The following NLGN2 variants were observed in gnomAD, a reference collection of about 807,000 sequenced individuals.
The protein encoded by NLGN2 is neuroligin-2.
Under a neutral mutation model 48.6 loss-of-function variants are expected in NLGN2, and 11 were observed. The observed-to-expected ratio is 0.23, with a 90% CI of 0.14 to 0.37. The LOEUF (loss-of-function observed/expected upper bound fraction) is 0.37, where lower values mean the gene tolerates loss of function less well. NLGN2 is among the 10% of genes least tolerant of loss of function. The pLI, the probability that NLGN2 is intolerant of heterozygous loss-of-function variation, is 1.00. For missense variants in NLGN2, 801 were observed against 1,225.2 expected (o/e 0.65, Z 5.17); for synonymous variants, 548 against 550.0 (o/e 1.00, Z 0.05).
At position 7,408,536 on chromosome 17, in the gene NLGN2, C is replaced by T. The variant is rs1906752812; in HGVS notation, c.281C>T (p.Pro94Leu). 5.8e-6 allele frequency: 9 copies of T among 1,540,376 alleles called. No homozygotes were observed. The highest frequency in any genetic ancestry group is 7.9e-6 in the Non-Finnish European group (9 of 1,145,982). The change falls in exon 1 of 7, where the codon CCC (proline) becomes CTC (leucine). Residue 94 changes from proline (P) to leucine (L), a missense_variant. Physicochemically the swap from Pro to Leu is moderately conservative, Grantham distance 98. Around this residue, in one of 5 missense-constraint regions of NLGN2, gnomAD observed 164 missense variants for 186.2 expected, o/e 0.88. Transcript: ENST00000302926. This position sits in a 1 kb window ranked among gnomAD's most constrained non-coding sequence, Gnocchi z 7.5. ...CCGCCTGAGGCGCCCGCCTCGTGGCCCGGCGTGCGCAACGCCACCACCCTG... is the reference window on the plus strand; with the variant it reads ...CCGCCTGAGGCGCCCGCCTCGTGGCTCGGCGTGCGCAACGCCACCACCCTG... ...FQPPEAPASW[P>L]GVRNATTLPP...
intron 6 of NLGN2, 34 bp downstream of exon 6, chr17:7,416,141 G>C (rs1254143228): frequency 7.0e-7 from 1 of 1,426,134 alleles, no homozygotes; most frequent in South Asian, 1.1e-5. Context: ...GGGCTGGGCG[G>C]GGCCCTCCCT....
At chr17:7,410,014 C>T (rs532089825) in intron 1 of NLGN2, among the ~76,000 whole-genome samples, 3 of 152,204 alleles carry the variant, frequency 2.0e-5, no homozygotes, top group Admixed American at 6.5e-5. Context: ...CAGCAGGCCC[C>T]TCACATCACA....
In NLGN2 at chr17:7,417,398, C is replaced by T. The variant is rs746591440; in HGVS notation, c.2107C>T (p.Arg703Trp). Reference protein sequence around the residue: ...AFAALYYKRDRRQELRCRRLS... With the variant: ...AFAALYYKRDWRQELRCRRLS... ...TGCTGCCCTCTACTACAAGCGGGAC[C>T]GGCGGCAGGAGCTGCGGTGCAGGCG... is the stretch of plus-strand genomic sequence containing the variant. The change falls in exon 7 of 7, where the codon CGG (arginine) becomes TGG (tryptophan). Residue 703 changes from arginine to tryptophan, a missense_variant. Arg to Trp is a moderately radical substitution (Grantham distance 101). Transcript: ENST00000302926. The T allele has an allele frequency of 1.2e-5, 19 of 1,609,998 alleles. No homozygotes were observed. Among genetic ancestry groups the T allele is most frequent in the Non-Finnish European group, 1.5e-5 (18 of 1,178,734 alleles).
At chr17:7,407,204 G>A (rs1906680843), upstream of NLGN2, among the ~76,000 whole-genome samples, 1 of 152,164 alleles carries the variant, frequency 6.6e-6, no homozygotes, top group African/African-American at 2.4e-5. Context: ...CCCCTCCAGG[G>A]TTAAAGCTGC....
intron 2 of NLGN2, 28 bp from the exon 3 acceptor site, chr17:7,414,309 CCCCCTGG>C (rs1567661383): frequency 6.8e-7 from 1 of 1,474,216 alleles, no homozygotes; most frequent in Admixed American, 2.1e-5. Flanking sequence ...TTGTCCCTGA[CCCCCTGG>C]CCCACCTGCC....
chr17:7,415,486 T>G, intron 5 of NLGN2, 25 bp from the exon 6 acceptor site: 43 of 1,598,978 alleles, frequency 2.7e-5, no homozygotes, highest in Middle Eastern at 1.7e-4. Flanking sequence ...GAGCAGGTGG[T>G]GAGACCCTGA....
chr17:7,415,033 A>C lies in NLGN2; in HGVS notation c.922A>C (p.Thr308Pro). 6.2e-7 allele frequency: 1 copy of C among 1,613,270 alleles called. No individual in the cohort carries two copies. The highest frequency in any genetic ancestry group is 8.5e-7 in the Non-Finnish European group (1 of 1,179,972). ...TGTCAACTACCAGCCGCTCAAGTAC[A>C]CGCGGCTGCTGGCAGCCAAGGTGGG... ...WSVNYQPLKYTRLLAAKVGCD... is the reference protein window; with the variant it reads ...WSVNYQPLKYPRLLAAKVGCD... The change falls in exon 5 of 7, where the codon ACG becomes CCG. Residue 308 changes from threonine to proline, a missense_variant. Physicochemically the swap from Thr to Pro is conservative, Grantham distance 38 (BLOSUM62 -1). Transcript: ENST00000302926.
Position 7,413,102 on chromosome 17 carries a change from G to GGAAGGAGAT in NLGN2, c.508+895_508+896insGAAGGAGAT, listed in dbSNP as rs1906965540. Among the ~76,000 whole-genome samples the GGAAGGAGAT allele has an allele frequency of 6.6e-6, 1 of 152,192 alleles. No homozygotes were observed. The highest frequency in any genetic ancestry group is 1.5e-5 in the Non-Finnish European group (1 of 68,022). On this transcript the variant is annotated intron_variant, in intron 2 of 6. Transcript: ENST00000302926. The surrounding 1 kb of genome is among the most constrained non-coding windows in gnomAD (Gnocchi z 4.9). ...GATTCCGGCCTGAAAGTGCTGGGAG[G>GGAAGGAGAT]TCACTTGAGGTTCAGGAGCAAAGGA...
In NLGN2 at chr17:7,408,265, C is replaced by A; in HGVS notation, c.10C>A (p.Leu4Met). 1 of 1,310,574 alleles carries A rather than the reference C, an allele frequency of 7.6e-7. No individual in the cohort carries two copies. The highest frequency in any genetic ancestry group is 9.7e-7 in the Non-Finnish European group (1 of 1,033,622). The allele number at this position is 1,310,574 out of a possible 1,614,324, so 81.2% of individuals were successfully genotyped here. A position where few individuals can be genotyped will look rare whatever the true frequency, so the allele number is the denominator to read the frequency against. The change falls in exon 1 of 7, where the codon CTG becomes ATG. Residue 4 changes from leucine (L) to methionine (M), a missense_variant. Physicochemically the swap from Leu to Met is conservative, Grantham distance 15 (BLOSUM62 2). This residue lies in a region of NLGN2 where 164 missense variants were observed against 186.2 expected (regional missense o/e 0.88). Transcript: ENST00000302926. This position sits in a 1 kb window ranked among gnomAD's most constrained non-coding sequence, Gnocchi z 7.5. MWL[L>M]ALCLVGLAGA... Reference sequence around the variant, plus strand: ...GGGTCCCCCGATCAGCATGTGGCTCCTGGCGCTGTGTCTGGTGGGGCTGGC... The same window carrying A: ...GGGTCCCCCGATCAGCATGTGGCTCATGGCGCTGTGTCTGGTGGGGCTGGC...
chr17:7,418,032 A>G lies in NLGN2; in HGVS notation c.*233A>G, dbSNP rs1333832529. On this transcript the variant is annotated 3_prime_UTR_variant, in exon 7 of 7. Transcript: ENST00000302926. ...AACTGGGGGGCGTTTTCTCCCCCCC[A>G]TTGGGACACCAGTCTTCGGTGTGTG... 1 of 339,242 alleles carries G rather than the reference A, an allele frequency of 2.9e-6. No homozygotes were observed. The highest frequency in any genetic ancestry group is 4.5e-5 in the East Asian group (1 of 22,424). The allele number at this position is 339,242 out of a possible 1,614,324, so 21.0% of individuals were successfully genotyped here. A position where few individuals can be genotyped will look rare whatever the true frequency, so the allele number is the denominator to read the frequency against.
chr17:7,417,678 G>A lies in NLGN2; in HGVS notation c.2387G>A (p.Gly796Glu). ...GALTLLPSGL[G>E]PPPPPPPPSL... ...CTGACCCTGCTGCCCAGTGGCCTGG[G>A]GCCACCGCCACCCCCACCGCCCCCC... Residue 796 changes from glycine to glutamate, a missense_variant, in exon 7 of 7, where the codon GGG (glycine) becomes GAG (glutamate). Gly to Glu is a moderately conservative substitution (Grantham distance 98). This residue lies in a region of NLGN2 where 276 missense variants were observed against 313.9 expected (regional missense o/e 0.88). Transcript: ENST00000302926. 7.3e-7 allele frequency: 1 copy of A among 1,373,676 alleles called. No homozygotes were observed. The allele number at this position is 1,373,676 out of a possible 1,614,324, so 85.1% of individuals were successfully genotyped here. A position where few individuals can be genotyped will look rare whatever the true frequency, so the allele number is the denominator to read the frequency against.
rs151229679 is a variant in NLGN2 at position 7,416,847 on chromosome 17, G to A, written c.1635-79G>A. The A allele has an allele frequency of 6.6e-4, 1,022 of 1,539,124 alleles. 4 individuals are homozygous for A. In the African/African-American group the frequency reaches 0.013, roughly 19 times the overall value. ...CCCCTGTCTCTCTGCATCTCTGTCT[G>A]TCTCCCTGCCCACTGCCATCCACCC... On this transcript the variant is annotated intron_variant, in intron 6 of 6. Coordinates refer to ENST00000302926, the MANE Select transcript of NLGN2 (RefSeq NM_020795.4).
At chr17:7,407,197 C>A (rs567823347), upstream of NLGN2, among the ~76,000 whole-genome samples, 21 of 152,334 alleles carry the variant, frequency 1.4e-4, no homozygotes, top group African/African-American at 4.8e-4. Flanking sequence ...CAGAACCCCC[C>A]TCCAGGGTTA....
At chr17:7,414,205 C>T (rs1567661300) in intron 2 of NLGN2, 139 bp from the exon 3 acceptor site, 1 of 738,154 alleles carries the variant, frequency 1.4e-6, no homozygotes, top group South Asian at 1.7e-5. Flanking sequence ...CGGTCTTGCC[C>T]CCCAGGGATG....
chr17:7,409,056 ATCCATCC>A (rs1597707462), intron 1 of NLGN2, among the ~76,000 whole-genome samples: 1 of 152,022 alleles, frequency 6.6e-6, no homozygotes, highest in East Asian at 1.9e-4. Context: ...GAATCAGGTG[ATCCATCC>A]TCTGCTCAGA....
chr17:7,416,915 T>G lies in NLGN2; in HGVS notation c.1635-11T>G. On this transcript the variant is annotated splice_polypyrimidine_tract_variant and intron_variant, in intron 6 of 6. Transcript: ENST00000302926. ...CTCACTCCTCCTTTCCCTGCCCTCC[T>G]GTGCCCACAGGGACCCCAACCAGCC... 6.2e-7 allele frequency: 1 copy of G among 1,613,342 alleles called. No individual in the cohort carries two copies. The highest frequency in any genetic ancestry group is 1.1e-5 in the South Asian group (1 of 90,964).
At chr17:7,404,771 C>T (rs890143107), upstream of NLGN2, 29 of 152,258 alleles carry the variant, frequency 1.9e-4, no homozygotes, top group African/African-American at 7.0e-4. Flanking sequence ...TCCAATCCCC[C>T]CATTCTCCGG....
rs981758809 is a variant in NLGN2 at position 7,419,804 on chromosome 17, A to G, written c.*2005A>G. 3.3e-5 allele frequency: 5 copies of G among 152,338 alleles called. No homozygotes were observed. Among genetic ancestry groups the G allele is most frequent in the African/African-American group, 9.7e-5 (4 of 41,436 alleles). 9.4% of individuals were successfully genotyped at this position (152,338 alleles called of 1,614,324 possible). ...CCCAACCCTTTGCGGCTCTGTACAC[A>G]TTTTTAAACCTGGCAAAAGATGAAG... is the stretch of plus-strand genomic sequence containing the variant. On this transcript the variant is annotated 3_prime_UTR_variant, in exon 7 of 7. Transcript: ENST00000302926.
rs897617276 is a variant in NLGN2, at chr17:7,418,746, C to T, written c.*947C>T. The T allele has an allele frequency of 1.6e-4, 25 of 152,592 alleles. No individual in the cohort carries two copies. The highest frequency in any genetic ancestry group is 6.2e-4 in the South Asian group (3 of 4,822). 9.5% of individuals were successfully genotyped at this position (152,592 alleles called of 1,614,324 possible). On this transcript the variant is annotated 3_prime_UTR_variant, in exon 7 of 7. Coordinates refer to ENST00000302926, the MANE Select transcript of NLGN2 (RefSeq NM_020795.4). ...CCGAGGGAGGCCCGGCCCTTGCTCC[C>T]GAGTTGGGGGGAGGGGGTGTGGCAA...
Sources: gnomAD v4.1 joint callset for allele counts (sites outside exome capture counted in the v4.1 genomes callset) on GRCh38, gnomAD v4.1.1 for gene constraint, gnomAD v4.1.1 regional missense constraint, Gnocchi (gnomAD v3.1) non-coding constraint, MANE v1.5 for transcripts, NCBI Gene and HGNC (gene_info 2026-07-23, HGNC 2026-07-21) for gene names.